Variants in HIGD1A observed in about 807,000 individuals in gnomAD.
HIGD1A encodes the protein HIG1 hypoxia inducible domain family member 1A.
A neutral mutation model predicts 11.3 loss-of-function variants in HIGD1A; 8 were observed. The ratio of observed to expected loss-of-function variants is 0.71; its 90% CI spans 0.42 to 1.28. The LOEUF is 1.28. Among genes scored for constraint, HIGD1A ranks in the 50% most tolerant of loss-of-function variants. HIGD1A has a pLI of 0.01. For synonymous variants in HIGD1A, 32 were observed against 38.4 expected (o/e 0.83, Z 0.62); for missense variants, 107 against 118.8 (o/e 0.90, Z 0.46).
At chr3:42,801,242 C>T (rs191084023) in intron 1 of HIGD1A, among the ~76,000 whole-genome samples, 46 of 152,350 alleles carry the variant, frequency 3.0e-4, no homozygotes, top group African/African-American at 9.9e-4. Context: ...GCGAACTCCT[C>T]ACAGTTCACA....
intron 1 of HIGD1A, among the ~76,000 whole-genome samples, chr3:42,795,467 C>G (rs1004998251): frequency 1.3e-5 from 2 of 152,122 alleles, no homozygotes; most frequent in Middle Eastern, 3.2e-3. Context: ...GGTGATCCAC[C>G]TGCCTCCCAG....
chr3:42,795,711 G>A (rs1203705783), intron 1 of HIGD1A, among the ~76,000 whole-genome samples: 4 of 145,586 alleles, frequency 2.7e-5, no homozygotes, highest in Non-Finnish European at 6.0e-5. Context: ...TAGTGTATGA[G>A]TAAGGGGATA....
At chr3:42,794,079 C>T in intron 2 of HIGD1A, 78 bp downstream of exon 2, 3 of 1,385,784 alleles carry the variant, frequency 2.2e-6, no homozygotes, top group Non-Finnish European at 2.9e-6. Context: ...AAAATACATT[C>T]TTTCAGGATA....
At chr3:42,795,004 T>C (rs1435574212) in intron 1 of HIGD1A, among the ~76,000 whole-genome samples, 1 of 152,218 alleles carries the variant, frequency 6.6e-6, no homozygotes, top group Non-Finnish European at 1.5e-5. Context: ...TTTTTTCTTT[T>C]TTGAGACTGA....
chr3:42,785,232 G>A lies in HIGD1A; in HGVS notation c.*39C>T. 6 of 1,551,248 alleles carry A rather than the reference G, an allele frequency of 3.9e-6. No homozygotes were observed. Among genetic ancestry groups the A allele is most frequent in the Non-Finnish European group, 5.3e-6 (6 of 1,134,790 alleles). On this transcript the variant is annotated 3_prime_UTR_variant, in exon 4 of 4. Transcript: ENST00000321331. ...TTTAATAATAAGACATCTAACTAAA[G>A]CAAGCTCCTCCAACAAGACCAAGAC...
At chr3:42,800,348 A>G (rs980657614) in intron 1 of HIGD1A, among the ~76,000 whole-genome samples, 1 of 151,976 alleles carries the variant, frequency 6.6e-6, no homozygotes, top group Non-Finnish European at 1.5e-5. Flanking sequence ...AATAAAAGAA[A>G]AAGAAAAAGA....
At chr3:42,799,972 A>G (rs1358317321) in intron 1 of HIGD1A, among the ~76,000 whole-genome samples, 1 of 152,196 alleles carries the variant, frequency 6.6e-6, no homozygotes, top group Non-Finnish European at 1.5e-5. Context: ...GACTGGATAG[A>G]GAGATTAAAC....
At chr3:42,786,903 A>G (rs1394331070) in intron 2 of HIGD1A, among the ~76,000 whole-genome samples, 1 of 152,128 alleles carries the variant, frequency 6.6e-6, no homozygotes, top group Admixed American at 6.6e-5. Flanking sequence ...AGCCTCCCTA[A>G]TAACTGGGAC....
intron 1 of HIGD1A, among the ~76,000 whole-genome samples, chr3:42,796,684 G>C (rs973626355): frequency 2.0e-5 from 3 of 152,106 alleles, no homozygotes; most frequent in Non-Finnish European, 4.4e-5. Context: ...AGTGCTGATT[G>C]GTTGGGTTGG....
Position 42,800,988 on chromosome 3 carries a change from T to C in HIGD1A, c.-23+3448A>G, listed in dbSNP as rs550501840. ...CTGTTCTGAGTTGCTTTAACAATAT[T>C]AAATCGTCCAAATTCTTTTCTCTCT... On this transcript the variant is annotated intron_variant, in intron 1 of 3. Transcript: ENST00000321331. Among the ~76,000 whole-genome samples, 5 of 152,352 alleles carry C rather than the reference T, an allele frequency of 3.3e-5. No individual in the cohort carries two copies. The East Asian group carries it at 9.6e-4, about 29-fold the overall frequency.
At chr3:42,796,538 TAGAG>T (rs1293023018) in intron 1 of HIGD1A, among the ~76,000 whole-genome samples, 4 of 151,762 alleles carry the variant, frequency 2.6e-5, no homozygotes, top group African/African-American at 7.3e-5. Flanking sequence ...GGAATTGCAA[TAGAG>T]AAAGAGCAAT....
chr3:42,784,589 T>C lies in HIGD1A; in HGVS notation c.*682A>G, dbSNP rs1054786065. 3.3e-5 allele frequency: 5 copies of C among 152,648 alleles called. No individual in the cohort carries two copies. Among genetic ancestry groups the C allele is most frequent in the Non-Finnish European group, 7.3e-5 (5 of 68,044 alleles). The allele number at this position is 152,648 out of a possible 1,614,324, so 9.5% of individuals were successfully genotyped here. ...TGAGTGCTTAAAATACATATTTCTA[T>C]TTCAAGATGACATTTAAAAATTATT... is the stretch of plus-strand genomic sequence containing the variant. On this transcript the variant is annotated 3_prime_UTR_variant, in exon 4 of 4. Transcript: ENST00000321331.
At chr3:42,792,944 T>C (rs1700445079) in intron 2 of HIGD1A, among the ~76,000 whole-genome samples, 1 of 150,128 alleles carries the variant, frequency 6.7e-6, no homozygotes, top group African/African-American at 2.5e-5. Context: ...ATCGCGCCAC[T>C]GCACTCCAGC....
At chr3:42,789,038 A>AT (rs35390450) in intron 2 of HIGD1A, among the ~76,000 whole-genome samples, 71,275 of 113,814 alleles carry the variant, frequency 0.63, 24,009 homozygotes, top group East Asian at 0.8. Context: ...TACTTTGGGA[A>AT]TTTTTTTTTT....
chr3:42,794,334 C>G, intron 1 of HIGD1A, 59 bp from the exon 2 acceptor site: 1 of 1,420,168 alleles, frequency 7.0e-7, no homozygotes, highest in Non-Finnish European at 9.4e-7. Context: ...TATTAAATAT[C>G]TGGATGTATT....
At chr3:42,789,915 G>C (rs1489387680) in intron 2 of HIGD1A, among the ~76,000 whole-genome samples, 1 of 151,936 alleles carries the variant, frequency 6.6e-6, no homozygotes, top group African/African-American at 2.4e-5. Flanking sequence ...TAGAGACAGG[G>C]TCTCACTGTG....
chr3:42,796,068 T>C (rs1349094656), intron 1 of HIGD1A, among the ~76,000 whole-genome samples: 1 of 152,212 alleles, frequency 6.6e-6, no homozygotes, highest in Admixed American at 6.5e-5. Context: ...TTGATAAAAG[T>C]ACCTCTCATT....
intron 1 of HIGD1A, among the ~76,000 whole-genome samples, chr3:42,801,419 A>G (rs1227652094): frequency 9.2e-5 from 14 of 152,214 alleles, no homozygotes; most frequent in Admixed American, 9.2e-4. Flanking sequence ...TTCTTTTGCT[A>G]GAATCCTTCA....
At chr3:42,788,527 A>C (rs1575358208) in intron 2 of HIGD1A, among the ~76,000 whole-genome samples, 2 of 150,312 alleles carry the variant, frequency 1.3e-5, no homozygotes, top group East Asian at 3.9e-4. Context: ...AAACATAGCA[A>C]TACATTTTTT....
Sources: gnomAD v4.1 joint callset for allele counts (sites outside exome capture counted in the v4.1 genomes callset) on GRCh38, gnomAD v4.1.1 for gene constraint, MANE v1.5 for transcripts, NCBI Gene and HGNC (gene_info 2026-07-23, HGNC 2026-07-21) for gene names.